Variants in GPC5 observed in about 807,000 individuals in gnomAD.
GPC5 encodes the protein glypican 5.
Under a neutral mutation model 53.9 loss-of-function variants are expected in GPC5, and 47 were observed. The ratio of observed to expected loss-of-function variants is 0.87; its 90% CI spans 0.69 to 1.11. The LOEUF (loss-of-function observed/expected upper bound fraction) is 1.11. Among genes scored for constraint, GPC5 ranks in the 50% most tolerant of loss-of-function variants. GPC5 has a pLI of 0.00. For synonymous variants in GPC5, 286 were observed against 263.3 expected (o/e 1.09, Z -0.84); for missense variants, 748 against 713.1 (o/e 1.05, Z -0.56).
At chr13:92,569,020 G>A (rs571471309) in intron 7 of GPC5, among the ~76,000 whole-genome samples, 29 of 150,892 alleles carry the variant, frequency 1.9e-4, no homozygotes, top group Admixed American at 7.2e-4. Context: ...CTGGTGTGCT[G>A]CACCCATTAA....
At chr13:92,728,181 G>A (rs1055862020) in intron 7 of GPC5, among the ~76,000 whole-genome samples, 108 of 151,370 alleles carry the variant, frequency 7.1e-4, no homozygotes, top group African/African-American at 2.6e-3. Flanking sequence ...ATTTATAAAC[G>A]AACTGATTTC....
intron 6 of GPC5, among the ~76,000 whole-genome samples, chr13:91,977,054 A>G (rs1191076050): frequency 1.4e-5 from 2 of 143,840 alleles, no homozygotes; most frequent in African/African-American, 2.9e-5. Context: ...ATAAATAAAT[A>G]AATAAATAAA....
At chr13:92,527,235 AAGAAAGAAAGAAAG>A (rs879277608) in intron 7 of GPC5, among the ~76,000 whole-genome samples, 4,533 of 45,076 alleles carry the variant, frequency 0.1, 753 homozygotes, top group East Asian at 0.28. Context: ...GAAAGAAAGA[AAGAAAGAAAGAAAG>A]AGAAAGAAAG....
At chr13:92,456,230 A>G (rs1878263382) in intron 7 of GPC5, among the ~76,000 whole-genome samples, 1 of 152,168 alleles carries the variant, frequency 6.6e-6, no homozygotes, top group African/African-American at 2.4e-5. Context: ...CTTAACACTA[A>G]GGAACATTGC....
intron 7 of GPC5, among the ~76,000 whole-genome samples, chr13:92,321,953 T>G (rs151120577): frequency 6.6e-6 from 1 of 152,278 alleles, no homozygotes; most frequent in Admixed American, 6.5e-5. Context: ...TTAAATAATC[T>G]ATATTTTCAT....
intron 7 of GPC5, among the ~76,000 whole-genome samples, chr13:92,504,629 AG>A (rs1393914639): frequency 2.6e-5 from 4 of 152,160 alleles, no homozygotes; most frequent in African/African-American, 9.6e-5. Flanking sequence ...GTATTAGCTA[AG>A]GGCCGGACAC....
At chr13:92,831,669 T>C (rs1255615985) in intron 7 of GPC5, among the ~76,000 whole-genome samples, 1 of 152,168 alleles carries the variant, frequency 6.6e-6, no homozygotes. Flanking sequence ...TTCCATGTGA[T>C]AGAAAAGCCC....
intron 5 of GPC5, among the ~76,000 whole-genome samples, chr13:91,901,951 G>A (rs953005955): frequency 3.3e-5 from 5 of 151,790 alleles, no homozygotes; most frequent in Admixed American, 1.3e-4. Flanking sequence ...TTTAACCCCC[G>A]ATAGAAATAG....
chr13:92,443,986 G>A (rs1308636870), intron 7 of GPC5, among the ~76,000 whole-genome samples: 1 of 152,168 alleles, frequency 6.6e-6, no homozygotes, highest in Admixed American at 6.5e-5. Flanking sequence ...GCTGCTACAT[G>A]TGGGAGCATA....
intron 7 of GPC5, among the ~76,000 whole-genome samples, chr13:92,412,077 T>C (rs1876069655): frequency 6.6e-6 from 1 of 152,230 alleles, no homozygotes; most frequent in African/African-American, 2.4e-5. Flanking sequence ...ATTCAAATTA[T>C]CACACTAGTT....
intron 6 of GPC5, among the ~76,000 whole-genome samples, chr13:92,071,883 G>T (rs2041214486): frequency 6.9e-6 from 1 of 144,516 alleles, no homozygotes. Context: ...TATTATATAT[G>T]TATAAAATGT....
intron 6 of GPC5, among the ~76,000 whole-genome samples, chr13:91,920,671 A>T (rs1330764036): frequency 6.6e-6 from 1 of 152,180 alleles, no homozygotes; most frequent in Non-Finnish European, 1.5e-5. Context: ...CTTCCAGAGA[A>T]ATAAACCAAG....
chr13:92,138,917 GA>G (rs35472147), intron 6 of GPC5, among the ~76,000 whole-genome samples: 79 of 147,552 alleles, frequency 5.4e-4, no homozygotes, highest in East Asian at 3.5e-3. Flanking sequence ...TGCTGCAGGG[GA>G]AAAAAAAAAT....
chr13:91,462,890 C>T (rs1882022930), intron 2 of GPC5, among the ~76,000 whole-genome samples: 1 of 152,104 alleles, frequency 6.6e-6, no homozygotes, highest in South Asian at 2.1e-4. Context: ...ATGTATCTGG[C>T]AACTTCTACT....
intron 7 of GPC5, among the ~76,000 whole-genome samples, chr13:92,845,873 G>A (rs1018097227): frequency 9.9e-5 from 15 of 151,846 alleles, no homozygotes; most frequent in African/African-American, 3.6e-4. Context: ...CAGGTATCTA[G>A]TTGTACATTT....
chr13:92,392,709 G>C (rs912590145), intron 7 of GPC5, among the ~76,000 whole-genome samples: 2 of 151,862 alleles, frequency 1.3e-5, no homozygotes, highest in Non-Finnish European at 2.9e-5. Context: ...GTTTACAAGA[G>C]AAACAACCCT....
intron 7 of GPC5, among the ~76,000 whole-genome samples, chr13:92,148,456 T>G (rs2041884101): frequency 6.6e-6 from 1 of 152,146 alleles, no homozygotes; most frequent in African/African-American, 2.4e-5. Context: ...AATTTCTATT[T>G]GTAATCCCAC....
intron 2 of GPC5, among the ~76,000 whole-genome samples, chr13:91,666,355 T>C (rs1355293014): frequency 6.6e-6 from 1 of 152,226 alleles, no homozygotes. Flanking sequence ...TAAATGTGGA[T>C]ATTTCAAATA....
chr13:92,442,912 G>T (rs1877633565), intron 7 of GPC5, among the ~76,000 whole-genome samples: 1 of 152,124 alleles, frequency 6.6e-6, no homozygotes. Flanking sequence ...ATAAATAGAT[G>T]TCCTGATCCT....
Sources: gnomAD v4.1 joint callset for allele counts (sites outside exome capture counted in the v4.1 genomes callset) on GRCh38, gnomAD v4.1.1 for gene constraint, MANE v1.5 for transcripts, NCBI Gene and HGNC (gene_info 2026-07-23, HGNC 2026-07-21) for gene names.